The following DST variants were observed in gnomAD, a reference collection of about 807,000 sequenced individuals.
DST encodes dystonin.
A neutral mutation model predicts 875.2 loss-of-function variants in DST; 253 were observed. The ratio of observed to expected loss-of-function variants is 0.29; its 90% CI spans 0.26 to 0.32. The LOEUF (loss-of-function observed/expected upper bound fraction) is 0.32. DST is among the 10% of genes least tolerant of loss of function. DST has a pLI of 1.00. For missense variants in DST, 8,287 were observed against 9,111.6 expected (o/e 0.91, Z 3.68); for synonymous variants, 3,124 against 3,197.1 (o/e 0.98, Z 0.77).
intron 4 of DST, among the ~76,000 whole-genome samples, chr6:56,824,022 C>G (rs913426102): frequency 6.6e-6 from 1 of 151,736 alleles, no homozygotes; most frequent in Admixed American, 6.6e-5. Context: ...CACGGTCTCC[C>G]TCTCCCTCTC....
At chr6:56,542,438 A>C (rs2097145115) in intron 61 of DST, 1 of 148,998 alleles carries the variant, frequency 6.7e-6, no homozygotes, top group South Asian at 2.1e-4. Flanking sequence ...TAAAAAAAAA[A>C]AAAAAAAAAA....
intron 4 of DST, among the ~76,000 whole-genome samples, chr6:56,833,871 G>C (rs989616492): frequency 1.3e-5 from 2 of 151,666 alleles, no homozygotes; most frequent in Non-Finnish European, 2.9e-5. Flanking sequence ...ATCTGATAAA[G>C]GACTGGTATC....
At chr6:56,746,654 G>T (rs772890437) in intron 4 of DST, among the ~76,000 whole-genome samples, 9 of 152,132 alleles carry the variant, frequency 5.9e-5, no homozygotes, top group Non-Finnish European at 1.2e-4. Flanking sequence ...AAGGAGAGAG[G>T]TTGGTAGATG....
At chr6:56,590,233 A>G (rs2098246018) in intron 49 of DST, among the ~76,000 whole-genome samples, 2 of 152,162 alleles carry the variant, frequency 1.3e-5, no homozygotes, top group Non-Finnish European at 2.9e-5. Flanking sequence ...CAATTACTAA[A>G]TAGGTTTTTC....
In DST at chr6:56,470,223, C is replaced by T. The variant is rs761149891; in HGVS notation, c.22381G>A (p.Asp7461Asn). Residue 7461 changes from aspartate (D) to asparagine (N), a missense_variant, in exon 96 of 104, where the codon GAT (aspartate) becomes AAT (asparagine). This residue lies in a region of DST where 87 missense variants were observed against 209.7 expected (regional missense o/e 0.41). Coordinates refer to ENST00000680361, the MANE Select transcript of DST (RefSeq NM_001374736.1). The part of the protein sequence containing the change: ...AVADIFDRDG[D>N]GYIDYYEFVA... The stretch of plus-strand genomic sequence containing the variant: ...AATTCATAGTAGTCAATATATCCAT[C>T]GCCATCTCTGTCAAAGATGTCTGCA... 9.3e-6 allele frequency: 15 copies of T among 1,611,310 alleles called. No homozygotes were observed. Among genetic ancestry groups the T allele is most frequent in the East Asian group, 2.2e-5 (1 of 44,844 alleles).
At chr6:56,680,850 A>G (rs1212569007) in intron 9 of DST, among the ~76,000 whole-genome samples, 2 of 152,148 alleles carry the variant, frequency 1.3e-5, no homozygotes, top group South Asian at 4.1e-4. Flanking sequence ...TCTCCCTATC[A>G]TACACTTCTA....
At chr6:56,804,680 T>A (rs139630575) in intron 4 of DST, among the ~76,000 whole-genome samples, 70 of 152,156 alleles carry the variant, frequency 4.6e-4, no homozygotes, top group African/African-American at 1.6e-3. Context: ...ATAACTGTAT[T>A]AAGCCAAACT....
At chr6:56,469,482 C>T (rs2094773939) in intron 97 of DST, among the ~76,000 whole-genome samples, 1 of 152,040 alleles carries the variant, frequency 6.6e-6, no homozygotes, top group South Asian at 2.1e-4. Context: ...ACATTATCCT[C>T]TCTTTTCATA....
intron 3 of DST, among the ~76,000 whole-genome samples, chr6:56,867,913 A>G (rs926400214): frequency 6.6e-6 from 1 of 152,152 alleles, no homozygotes; most frequent in African/African-American, 2.4e-5. Context: ...TCTGCATCTC[A>G]GACTTCTTGA....
At chr6:56,735,325 T>C in intron 4 of DST, 36 bp from the exon 5 acceptor site, 1 of 1,234,150 alleles carries the variant, frequency 8.1e-7, no homozygotes, top group Non-Finnish European at 1.2e-6. Flanking sequence ...ATAAGGTTGG[T>C]AAAATCTATG....
rs574055971 is a variant in DST at position 56,662,810 on chromosome 6, C to CG, written c.1214+7830dup. On this transcript the variant is annotated intron_variant, in intron 10 of 103. Coordinates refer to ENST00000680361, the MANE Select transcript of DST (RefSeq NM_001374736.1). ...CAACAAAATTAGTTGGGCATGGGGG[C>CG]GGGGGGGTCATGCCTGTAGTCCCAA... is the stretch of plus-strand genomic sequence containing the variant. Among the ~76,000 whole-genome samples the CG allele has an allele frequency of 6.5e-3, 977 of 150,412 alleles. 15 individuals are homozygous for CG. The highest frequency in any genetic ancestry group is 0.023 in the African/African-American group (930 of 40,914).
Position 56,536,938 on chromosome 6 carries a change from T to C in DST, c.16611A>G (p.Val5537=). ...TINQQLNMFK[V]FQKEEIEPLQ... ...AGGGTTCAATCTCTTCTTTCTGGAA[T>C]ACCTGCAGTTAAAAGAGTAATAATT... is the stretch of plus-strand genomic sequence containing the variant. Residue 5537 remains valine, a splice_region_variant and synonymous_variant, in exon 62 of 104, where the codon GTA becomes GTG. Transcript: ENST00000680361. 6.2e-7 allele frequency: 1 copy of C among 1,613,518 alleles called. No individual in the cohort carries two copies. Among genetic ancestry groups the C allele is most frequent in the Non-Finnish European group, 8.5e-7 (1 of 1,179,554 alleles).
At chr6:56,766,508 T>G (rs2099633676) in intron 4 of DST, among the ~76,000 whole-genome samples, 1 of 151,770 alleles carries the variant, frequency 6.6e-6, no homozygotes, top group South Asian at 2.1e-4. Context: ...GGCCTTTCTC[T>G]GCAATTGCTG....
chr6:56,629,544 G>A (rs1223657235), intron 31 of DST, 101 bp from the exon 32 acceptor site: 15 of 886,968 alleles, frequency 1.7e-5, no homozygotes, highest in Non-Finnish European at 2.5e-5. Flanking sequence ...ATGACAGGTA[G>A]AAAATAAGAT....
rs560214488 is a variant in DST, at chr6:56,910,137, T to G, written c.217-9516A>C. Among the ~76,000 whole-genome samples the G allele has an allele frequency of 2.3e-4, 35 of 152,366 alleles. No homozygotes were observed. In the East Asian group the frequency reaches 6.6e-3, roughly 29 times the overall value. The stretch of plus-strand genomic sequence containing the variant: ...TATGATGACAACAAAGAGTCTGTTT[T>G]GGAAAAGTCTAGGGAACTGCACATT... On this transcript the variant is annotated intron_variant, in intron 2 of 103. Transcript: ENST00000680361.
rs774324323 is a variant in DST, at chr6:56,492,987, A to G, written c.20497T>C (p.Ser6833Pro). 5 of 1,612,606 alleles carry G rather than the reference A, an allele frequency of 3.1e-6. No homozygotes were observed. Among genetic ancestry groups the G allele is most frequent in the Admixed American group, 3.3e-5 (2 of 59,850 alleles). Residue 6833 changes from serine to proline, a missense_variant, in exon 84 of 104, where the codon TCT becomes CCT. Transcript: ENST00000680361. ...GTGTCCAAGATGAGACTTGGCCGAG[A>G]AGCTACATTTAGGGTCTGTTCAGCC... ...TQAEQTLNVA[S>P]RPSLILDTVL...
At position 56,714,135 on chromosome 6, in the gene DST, C is replaced by T. The variant is rs2099387170; in HGVS notation, c.688-9766G>A. On this transcript the variant is annotated intron_variant, in intron 5 of 103. Transcript: ENST00000680361. The surrounding 1 kb of genome is among the most constrained non-coding windows in gnomAD (Gnocchi z 4.5). ...GTTTCCTTAAATCCAGATGACACTCCATGTCCCCAGTACCACGATTCATAT... is the reference window on the plus strand; with the variant it reads ...GTTTCCTTAAATCCAGATGACACTCTATGTCCCCAGTACCACGATTCATAT... 6.6e-6 allele frequency among the ~76,000 whole-genome samples: 1 copy of T among 152,158 alleles called. No individual in the cohort carries two copies. The highest frequency in any genetic ancestry group is 2.4e-5 in the African/African-American group (1 of 41,440).
chr6:56,881,943 T>C (rs964999697), intron 3 of DST, among the ~76,000 whole-genome samples: 23 of 152,320 alleles, frequency 1.5e-4, no homozygotes, highest in Admixed American at 3.9e-4. Context: ...GAAACTTGGC[T>C]AATGATTTTT....
intron 4 of DST, among the ~76,000 whole-genome samples, chr6:56,848,937 G>A (rs900306224): frequency 7.1e-5 from 10 of 141,580 alleles, no homozygotes; most frequent in Admixed American, 3.4e-4. Context: ...CTACTTGGGA[G>A]GCTGAGGCAG....
Sources: allele counts gnomAD v4.1 joint callset (sites outside exome capture counted in the v4.1 genomes callset), GRCh38; gene constraint gnomAD v4.1.1; regional missense constraint gnomAD v4.1.1; non-coding constraint Gnocchi (gnomAD v3.1); transcripts MANE v1.5; gene names NCBI Gene and HGNC (gene_info 2026-07-23, HGNC 2026-07-21).